Variants in IRAK2 observed in about 807,000 individuals in gnomAD.
IRAK2 encodes interleukin-1 receptor-associated kinase-like 2.
IRAK2 carries 57 observed loss-of-function variants against 72.0 expected under a neutral mutation model. The ratio of observed to expected loss-of-function variants is 0.79; its 90% CI spans 0.64 to 0.99. The LOEUF is 0.99. Among genes scored for constraint, IRAK2 ranks in the 50% least tolerant of loss-of-function variants. The pLI, the probability that IRAK2 is intolerant of heterozygous loss-of-function variation, is 0.00. For synonymous variants in IRAK2, 293 were observed against 312.7 expected (o/e 0.94, Z 0.67); for missense variants, 790 against 794.4 (o/e 0.99, Z 0.07).
intron 10 of IRAK2, among the ~76,000 whole-genome samples, chr3:10,227,621 G>A (rs1697799544): frequency 6.6e-6 from 1 of 152,004 alleles, no homozygotes; most frequent in South Asian, 2.1e-4. Flanking sequence ...CCAAGTGTCA[G>A]AGCTGGAATT....
At position 10,242,368 on chromosome 3, in the gene IRAK2, C is replaced by G. The variant is rs1698074412; in HGVS notation, c.*140C>G. 3.9e-6 allele frequency: 2 copies of G among 508,222 alleles called. No individual in the cohort carries two copies. The highest frequency in any genetic ancestry group is 7.0e-6 in the Non-Finnish European group (2 of 284,970). 31.5% of individuals were successfully genotyped at this position (508,222 alleles called of 1,614,324 possible). A position where few individuals can be genotyped will look rare whatever the true frequency, so the allele number is the denominator to read the frequency against. Reference sequence around the variant, plus strand: ...GCTGTCCTGGGTGGGAGGGAAACTTCATTTCACTGGAATGAGTTGGGAGAG... The same window carrying G: ...GCTGTCCTGGGTGGGAGGGAAACTTGATTTCACTGGAATGAGTTGGGAGAG... On this transcript the variant is annotated 3_prime_UTR_variant, in exon 13 of 13. Coordinates refer to ENST00000256458, the MANE Select transcript of IRAK2 (RefSeq NM_001570.4).
At chr3:10,176,864 G>A (rs1347828408) in intron 1 of IRAK2, among the ~76,000 whole-genome samples, 4 of 148,246 alleles carry the variant, frequency 2.7e-5, no homozygotes, top group African/African-American at 5.0e-5. Context: ...GTGCAATGGC[G>A]TGATCTTGGC....
chr3:10,234,351 G>C, intron 10 of IRAK2, 108 bp from the exon 11 acceptor site: 1 of 805,604 alleles, frequency 1.2e-6, no homozygotes, highest in South Asian at 1.5e-5. Context: ...ACGATGTCCG[G>C]TCGGTTTTCT....
At chr3:10,170,902 G>A (rs1696785110) in intron 1 of IRAK2, among the ~76,000 whole-genome samples, 1 of 152,232 alleles carries the variant, frequency 6.6e-6, no homozygotes, top group Admixed American at 6.5e-5. Flanking sequence ...GAGTGACTGT[G>A]ATTGACCCTT....
At chr3:10,231,905 T>C (rs569409710) in intron 10 of IRAK2, among the ~76,000 whole-genome samples, 1 of 152,142 alleles carries the variant, frequency 6.6e-6, no homozygotes, top group African/African-American at 2.4e-5. Flanking sequence ...GGCAGGCGGA[T>C]CACAAGGTCA....
At chr3:10,165,758 TCTCA>T (rs1208932248) in intron 1 of IRAK2, among the ~76,000 whole-genome samples, 1 of 134,982 alleles carries the variant, frequency 7.4e-6, no homozygotes, top group African/African-American at 2.9e-5. Flanking sequence ...TAAGACGGAG[TCTCA>T]CTCTGTCGCC....
chr3:10,242,485 A>G lies in IRAK2; in HGVS notation c.*257A>G, dbSNP rs921271234. ...AGAGCAGGGGATCAGAGGAGACTGA[A>G]GCAGAAACCCTGCACACGGGCCCAG... On this transcript the variant is annotated 3_prime_UTR_variant, in exon 13 of 13. Transcript: ENST00000256458. The G allele has an allele frequency of 8.0e-6, 2 of 248,724 alleles. No individual in the cohort carries two copies. The highest frequency in any genetic ancestry group is 1.1e-4 in the Admixed American group (2 of 18,504). The allele number at this position is 248,724 out of a possible 1,614,324, so 15.4% of individuals were successfully genotyped here.
At chr3:10,232,064 T>C (rs1301976054) in intron 10 of IRAK2, among the ~76,000 whole-genome samples, 2 of 152,152 alleles carry the variant, frequency 1.3e-5, no homozygotes, top group Non-Finnish European at 2.9e-5. Context: ...GAGGCGGAGC[T>C]TGCAGTGAGC....
intron 8 of IRAK2, among the ~76,000 whole-genome samples, chr3:10,220,687 C>T (rs1302267932): frequency 1.3e-5 from 2 of 152,070 alleles, no homozygotes; most frequent in Admixed American, 6.6e-5. Context: ...GTGATCCACC[C>T]GCCTTGGTCT....
chr3:10,194,918 G>C (rs1312698325), intron 2 of IRAK2, among the ~76,000 whole-genome samples: 1 of 152,178 alleles, frequency 6.6e-6, no homozygotes, highest in East Asian at 1.9e-4. Flanking sequence ...GGTGTGACCT[G>C]GTGCCTCTTG....
chr3:10,203,154 G>T (rs1356268629), intron 3 of IRAK2, among the ~76,000 whole-genome samples: 1 of 151,746 alleles, frequency 6.6e-6, no homozygotes, highest in Non-Finnish European at 1.5e-5. Flanking sequence ...GCACCACCAC[G>T]TCTGACTGAT....
At chr3:10,208,173 A>T (rs777234410) in intron 3 of IRAK2, among the ~76,000 whole-genome samples, 6 of 151,740 alleles carry the variant, frequency 4.0e-5, no homozygotes, top group African/African-American at 1.2e-4. Context: ...GGCCTTGGCC[A>T]AAGGCCAAGG....
At chr3:10,211,863 G>A (rs1697526995) in intron 4 of IRAK2, among the ~76,000 whole-genome samples, 1 of 152,042 alleles carries the variant, frequency 6.6e-6, no homozygotes, top group Non-Finnish European at 1.5e-5. Flanking sequence ...GGATCACGAG[G>A]TCAGGAGATG....
intron 3 of IRAK2, among the ~76,000 whole-genome samples, chr3:10,207,684 C>G (rs542561005): frequency 8.5e-5 from 13 of 152,290 alleles, no homozygotes; most frequent in African/African-American, 2.6e-4. Flanking sequence ...ATCTTGTTCA[C>G]TCACTAAGGG....
rs1678591 is a variant in IRAK2, at chr3:10,183,474, T to C, written c.277+5454T>C. ...GGCTCAAGCCTGTAATCCCAACACT[T>C]TGGGAGGCCGAGGCGGGCAGATCAC... On this transcript the variant is annotated intron_variant, in intron 2 of 12. Transcript: ENST00000256458. 1.1e-4 allele frequency among the ~76,000 whole-genome samples: 16 copies of C among 152,242 alleles called. No individual in the cohort carries two copies. In the South Asian group the frequency reaches 2.9e-3, roughly 28 times the overall value.
chr3:10,198,275 G>A (rs1697303506), intron 2 of IRAK2, among the ~76,000 whole-genome samples: 1 of 152,224 alleles, frequency 6.6e-6, no homozygotes, highest in South Asian at 2.1e-4. Context: ...CAAGGACGAA[G>A]CCACTCATCA....
chr3:10,191,065 C>A (rs1411076425), intron 2 of IRAK2, among the ~76,000 whole-genome samples: 6 of 152,000 alleles, frequency 3.9e-5, no homozygotes, highest in Non-Finnish European at 2.9e-5. Context: ...GAGGCCGAGG[C>A]CGGCGGATCA....
At chr3:10,221,158 C>T (rs921529760) in intron 8 of IRAK2, among the ~76,000 whole-genome samples, 1 of 150,254 alleles carries the variant, frequency 6.7e-6, no homozygotes. Context: ...TTTGGGTGGC[C>T]AAGGCGGGCA....
chr3:10,169,836 A>G (rs549255516), intron 1 of IRAK2, among the ~76,000 whole-genome samples: 1 of 152,368 alleles, frequency 6.6e-6, no homozygotes, highest in African/African-American at 2.4e-5. Flanking sequence ...AGGAAATTAT[A>G]AGAGTATAAA....
Sources: allele counts gnomAD v4.1 joint callset (sites outside exome capture counted in the v4.1 genomes callset), GRCh38; gene constraint gnomAD v4.1.1; transcripts MANE v1.5; gene names NCBI Gene and HGNC (gene_info 2026-07-23, HGNC 2026-07-21).